The following PLCH2 variants were observed in gnomAD, a reference collection of about 807,000 sequenced individuals.
The protein encoded by PLCH2 is phospholipase C eta 2.
A neutral mutation model predicts 134.7 loss-of-function variants in PLCH2; 98 were observed. The observed-to-expected ratio is 0.73, with a 90% CI of 0.62 to 0.86. The LOEUF (loss-of-function observed/expected upper bound fraction) is 0.86. Among genes scored for constraint, PLCH2 ranks in the 40% least tolerant of loss-of-function variants. The pLI is 0.00. For synonymous variants in PLCH2, 974 were observed against 827.5 expected, an observed-to-expected ratio of 1.18 and a Z score of -3.04; for missense variants, 1,994 against 1,986.6, an observed-to-expected ratio of 1.00 and a Z score of -0.07.
intron 11 of PLCH2, among the ~76,000 whole-genome samples, chr1:2,492,023 GC>G (rs1276725902): frequency 6.6e-6 from 1 of 152,230 alleles, no homozygotes; most frequent in Non-Finnish European, 1.5e-5. Flanking sequence ...GGGTGACAGT[GC>G]TGGTGGGCGC....
chr1:2,461,293 G>T (rs572939180), intron 2 of PLCH2, among the ~76,000 whole-genome samples: 5 of 152,324 alleles, frequency 3.3e-5, no homozygotes, highest in African/African-American at 9.6e-5. Flanking sequence ...TCTGCAGCCC[G>T]GGGCTGGACA....
In PLCH2 at chr1:2,457,046, C is replaced by A. The variant is rs114308977; in HGVS notation, c.116-21430C>A. Among the ~76,000 whole-genome samples, 208 of 152,326 alleles carry A rather than the reference C, an allele frequency of 1.4e-3. 1 individual carries two copies. Among genetic ancestry groups the A allele is most frequent in the African/African-American group, 4.6e-3 (193 of 41,578 alleles). ...GCAAGAGCCACCTACCTCCAGAACC[C>A]CCCGGGGCTCCAGTCCTCAGGCGCC... On this transcript the variant is annotated intron_variant, in intron 2 of 3. Coordinates refer to the PLCH2 transcript ENST00000609981.
intron 12 of PLCH2, 70 bp from the exon 13 acceptor site, chr1:2,495,418 C>T (rs1642828829): frequency 4.5e-6 from 6 of 1,326,652 alleles, no homozygotes; most frequent in Middle Eastern, 1.9e-4. Context: ...CCCTCCCCAA[C>T]CCCCCAGCCT....
At chr1:2,463,067 AT>A (rs780396319), upstream of PLCH2, among the ~76,000 whole-genome samples, 29 of 152,162 alleles carry the variant, frequency 1.9e-4, no homozygotes, top group Admixed American at 3.9e-4. Context: ...CCGTCTCGTC[AT>A]TGGAGGGGCC....
chr1:2,431,896 G>T (rs1639089914), intron 2 of PLCH2, among the ~76,000 whole-genome samples: 1 of 152,140 alleles, frequency 6.6e-6, no homozygotes, highest in African/African-American at 2.4e-5. Flanking sequence ...CCGGAATCGT[G>T]TCCCTTTCCT....
rs1407591166 is a variant in PLCH2 at position 2,497,509 on chromosome 1, G to A, written c.2124G>A (p.Leu708=). The A allele has an allele frequency of 6.4e-7, 1 of 1,554,444 alleles. No individual in the cohort carries two copies. The highest frequency in any genetic ancestry group is 2.4e-5 in the East Asian group (1 of 41,240). ...CTTGTGTCACCCTCGCAGTTGCCCTGAACTACCAGTCAGAGGGGCGGATGC... is the reference window on the plus strand; with the variant it reads ...CTTGTGTCACCCTCGCAGTTGCCCTAAACTACCAGTCAGAGGGGCGGATGC... The part of the protein sequence containing the change: ...FWNAGCQMVA[L]NYQSEGRMLQ... The change falls in exon 16 of 22, where the codon CTG becomes CTA. Residue 708 remains leucine (L), a synonymous_variant. Transcript: ENST00000378486.
chr1:2,473,656 G>A (rs953250092), upstream of PLCH2, among the ~76,000 whole-genome samples: 1 of 152,200 alleles, frequency 6.6e-6, no homozygotes, highest in Non-Finnish European at 1.5e-5. Context: ...GCTACGTGTT[G>A]GATCATGGCC....
In PLCH2 at chr1:2,495,531, G is replaced by A. The variant is rs1320590670; in HGVS notation, c.1796G>A (p.Gly599Glu). Residue 599 changes from glycine (G) to glutamate (E), a missense_variant, in exon 13 of 22, where the codon GGA becomes GAA. This residue lies in a region of PLCH2 where 1,094 missense variants were observed against 1,234.3 expected (regional missense o/e 0.89). Coordinates refer to ENST00000378486, the MANE Select transcript of PLCH2 (RefSeq NM_014638.4). ...KLKKAASVEE[G>E]DEGQDSPGGQ... ...AAGAAGGCGGCCAGCGTGGAGGAGGGAGATGAGGGTCAGGACTCCCCGGGA... is the reference window on the plus strand; with the variant it reads ...AAGAAGGCGGCCAGCGTGGAGGAGGAAGATGAGGGTCAGGACTCCCCGGGA... 6.4e-7 allele frequency: 1 copy of A among 1,552,046 alleles called. No individual in the cohort carries two copies. Among genetic ancestry groups the A allele is most frequent in the East Asian group, 2.4e-5 (1 of 41,016 alleles).
At chr1:2,427,320 G>A (rs984969934) in intron 1 of PLCH2, among the ~76,000 whole-genome samples, 1 of 149,632 alleles carries the variant, frequency 6.7e-6, no homozygotes, top group Non-Finnish European at 1.5e-5. Context: ...GTGGGGGCCC[G>A]GGGCCGCAGG....
chr1:2,447,959 C>T (rs752619634), intron 2 of PLCH2, among the ~76,000 whole-genome samples: 3 of 152,230 alleles, frequency 2.0e-5, no homozygotes, highest in Non-Finnish European at 1.5e-5. Flanking sequence ...CCCTCCCCTG[C>T]GGTACCAGGA....
chr1:2,451,371 G>T (rs1640216469), intron 2 of PLCH2, among the ~76,000 whole-genome samples: 1 of 152,240 alleles, frequency 6.6e-6, no homozygotes, highest in African/African-American at 2.4e-5. Context: ...GACAGGCAGA[G>T]ATTGTCGCGG....
upstream of PLCH2, among the ~76,000 whole-genome samples, chr1:2,466,133 T>C (rs747405348): frequency 7.2e-5 from 11 of 152,108 alleles, no homozygotes; most frequent in Admixed American, 3.9e-4. Flanking sequence ...ACAGCCCCCA[T>C]TGTGGCCTGG....
intron 2 of PLCH2, among the ~76,000 whole-genome samples, chr1:2,447,831 G>T (rs911662102): frequency 6.6e-6 from 1 of 152,184 alleles, no homozygotes; most frequent in Non-Finnish European, 1.5e-5. Flanking sequence ...ACCGGGAACC[G>T]GGGAATACAG....
chr1:2,495,455 G>T, intron 12 of PLCH2, 33 bp from the exon 13 acceptor site: 2 of 1,542,140 alleles, frequency 1.3e-6, no homozygotes, highest in African/African-American at 1.4e-5. Context: ...TGGGCCAGAG[G>T]CCCTACAGCT....
intron 2 of PLCH2, among the ~76,000 whole-genome samples, chr1:2,431,454 C>T (rs981408635): frequency 6.6e-6 from 1 of 152,164 alleles, no homozygotes; most frequent in African/African-American, 2.4e-5. Flanking sequence ...GGTGGAGCTG[C>T]GCCTGGGGAG....
At position 2,436,025 on chromosome 1, in the gene PLCH2, C is replaced by G. The variant is rs540250929; in HGVS notation, c.115+5396C>G. Among the ~76,000 whole-genome samples the G allele has an allele frequency of 1.9e-4, 17 of 89,748 alleles. No homozygotes were observed. The East Asian group carries it at 5.4e-3, about 28-fold the overall frequency. The allele number at this position is 89,748 out of a possible 152,430, so 58.9% of individuals were successfully genotyped here. Reference sequence around the variant, plus strand: ...TCCTCCCGCTTCCCTCCTCTCTCCTCCCTCCTCCCCTCCTCCCTTCCTCTC... The same window carrying G: ...TCCTCCCGCTTCCCTCCTCTCTCCTGCCTCCTCCCCTCCTCCCTTCCTCTC... On this transcript the variant is annotated intron_variant, in intron 2 of 3. Coordinates refer to the PLCH2 transcript ENST00000609981.
chr1:2,489,506 C>T (rs927324170), intron 9 of PLCH2, 128 bp downstream of exon 9: 91 of 960,410 alleles, frequency 9.5e-5, no homozygotes, highest in Middle Eastern at 3.1e-4. Context: ...GGGCTGGCCA[C>T]GCTCCTGACC....
At chr1:2,483,083 C>T (rs772566330) in intron 4 of PLCH2, among the ~76,000 whole-genome samples, 19 of 152,194 alleles carry the variant, frequency 1.2e-4, no homozygotes, top group Non-Finnish European at 2.1e-4. Flanking sequence ...GCCCAAATCA[C>T]GAAGCCTCTA....
At chr1:2,465,702 G>A (rs1032704541), upstream of PLCH2, among the ~76,000 whole-genome samples, 2 of 152,226 alleles carry the variant, frequency 1.3e-5, no homozygotes, top group African/African-American at 4.8e-5. Flanking sequence ...TGCAGCGGGC[G>A]GCTTTTAATC....
Sources: gnomAD v4.1 joint callset for allele counts (sites outside exome capture counted in the v4.1 genomes callset) on GRCh38, gnomAD v4.1.1 for gene constraint, gnomAD v4.1.1 regional missense constraint, MANE v1.5 for transcripts, NCBI Gene and HGNC (gene_info 2026-07-23, HGNC 2026-07-21) for gene names.